The following VSIR variants were observed in gnomAD, a reference collection of about 807,000 sequenced individuals.
VSIR encodes the protein V-set immunoregulatory receptor.
In VSIR, 10 loss-of-function variants were observed where a neutral mutation model predicts 31.0. The observed-to-expected ratio is 0.32, with a 90% confidence interval of 0.20 to 0.55. The LOEUF (loss-of-function observed/expected upper bound fraction) is 0.55. VSIR is among the 20% of genes least tolerant of loss of function. The pLI, the probability that VSIR is intolerant of heterozygous loss-of-function variation, is 0.93. For missense variants in VSIR, 356 were observed against 416.2 expected (o/e 0.86, Z 1.26); for synonymous variants, 179 against 180.1 (o/e 0.99, Z 0.05).
rs201216266 is a variant in VSIR at position 71,760,056 on chromosome 10, T to C, written c.568+812A>G. Among the ~76,000 whole-genome samples the C allele has an allele frequency of 8.3e-3, 634 of 76,482 alleles. 97 individuals carry two copies. The highest frequency in any genetic ancestry group is 0.027 in the African/African-American group (604 of 22,218). 50.2% of individuals were successfully genotyped at this position (76,482 alleles called of 152,430 possible). On this transcript the variant is annotated intron_variant, in intron 3 of 6. Transcript: ENST00000394957. ...ACACACACATATATACACACACACA[T>C]ATATATACACACACACATATATATA...
intron 1 of VSIR, among the ~76,000 whole-genome samples, chr10:71,762,599 A>G (rs1408028596): frequency 6.6e-6 from 1 of 152,254 alleles, no homozygotes; most frequent in African/African-American, 2.4e-5. Flanking sequence ...ACCCCATGGC[A>G]AAGGCAATCC....
At chr10:71,760,560 C>G (rs929851518) in intron 3 of VSIR, 2 of 286,912 alleles carry the variant, frequency 7.0e-6, no homozygotes. Context: ...GGCAGGGCGG[C>G]ACTTAGCTGC....
chr10:71,765,520 G>T (rs1589408241), intron 1 of VSIR, among the ~76,000 whole-genome samples: 1 of 152,260 alleles, frequency 6.6e-6, no homozygotes, highest in Admixed American at 6.5e-5. Context: ...GGTGGGGCAG[G>T]GCACCAGGCT....
intron 3 of VSIR, among the ~76,000 whole-genome samples, chr10:71,756,867 T>G (rs934843171): frequency 1.3e-5 from 2 of 152,238 alleles, no homozygotes; most frequent in African/African-American, 4.8e-5. Context: ...GTTTTTGTTT[T>G]GCTCTACAAT....
At chr10:71,764,071 T>G (rs1840467831) in intron 1 of VSIR, among the ~76,000 whole-genome samples, 1 of 152,160 alleles carries the variant, frequency 6.6e-6, no homozygotes, top group Non-Finnish European at 1.5e-5. Flanking sequence ...GATACAGGTC[T>G]CCTTTTCAGG....
chr10:71,766,313 C>T (rs555715888), intron 1 of VSIR, among the ~76,000 whole-genome samples: 2 of 152,282 alleles, frequency 1.3e-5, no homozygotes, highest in African/African-American at 2.4e-5. Context: ...ATGTGCCAGG[C>T]GGGAACCGTC....
intron 1 of VSIR, among the ~76,000 whole-genome samples, chr10:71,763,577 T>C (rs1413440040): frequency 3.9e-5 from 6 of 152,206 alleles, no homozygotes; most frequent in Non-Finnish European, 7.3e-5. Context: ...GTGGGGCTTC[T>C]GGAGCTGGCC....
rs1403591259 is a variant in VSIR, at chr10:71,773,501, C to G, written c.-62G>C. The G allele has an allele frequency of 6.7e-7, 1 of 1,500,506 alleles. No individual in the cohort carries two copies. Among genetic ancestry groups the G allele is most frequent in the African/African-American group, 1.4e-5 (1 of 71,994 alleles). The allele number at this position is 1,500,506 out of a possible 1,614,324, so 92.9% of individuals were successfully genotyped here. ...GGGAGCGGGCGGGACGCGGCCGGCG[C>G]GGGGAAGCCTCCCGCGACTGAGTGC... On this transcript the variant is annotated 5_prime_UTR_variant, in exon 1 of 7. Transcript: ENST00000394957.
chr10:71,752,755 G>A (rs1294057506), intron 5 of VSIR, among the ~76,000 whole-genome samples: 1 of 152,172 alleles, frequency 6.6e-6, no homozygotes, highest in Admixed American at 6.5e-5. Context: ...CCGAAGGTGG[G>A]TGCATGACAC....
At chr10:71,759,820 T>TATACACACACAC (rs1554868422) in intron 3 of VSIR, among the ~76,000 whole-genome samples, 1 of 85,276 alleles carries the variant, frequency 1.2e-5, no homozygotes, top group African/African-American at 4.1e-5. Flanking sequence ...TCAGAAAATA[T>TATACACACACAC]ACACACACAC....
At chr10:71,766,823 G>A (rs763231976) in intron 1 of VSIR, among the ~76,000 whole-genome samples, 2 of 152,142 alleles carry the variant, frequency 1.3e-5, no homozygotes, top group Non-Finnish European at 2.9e-5. Flanking sequence ...CAGACAGGAA[G>A]AGCCACCCAC....
In VSIR at chr10:71,760,312, C is replaced by CAT. The variant is rs1374136520; in HGVS notation, c.568+555_568+556insAT. Among the ~76,000 whole-genome samples, 23 of 108,450 alleles carry CAT rather than the reference C, an allele frequency of 2.1e-4. 4 individuals are homozygous for CAT. The highest frequency in any genetic ancestry group is 5.7e-4 in the South Asian group (2 of 3,538). The allele number at this position is 108,450 out of a possible 152,430, so 71.1% of individuals were successfully genotyped here. On this transcript the variant is annotated intron_variant, in intron 3 of 6. Coordinates refer to ENST00000394957, the MANE Select transcript of VSIR (RefSeq NM_022153.2). The stretch of plus-strand genomic sequence containing the variant: ...ATGTGTATATATATGTATATACACA[C>CAT]ACATATATATATATATATATCCCTG...
At position 71,748,496 on chromosome 10, in the gene VSIR, C is replaced by T. The variant is rs77500667; in HGVS notation, c.*2757G>A. 0.029 allele frequency: 4,481 copies of T among 152,410 alleles called. 127 individuals carry two copies. Among genetic ancestry groups the T allele is most frequent in the African/African-American group, 0.064 (2,652 of 41,574 alleles). The allele number at this position is 152,410 out of a possible 1,614,324, so 9.4% of individuals were successfully genotyped here. A position where few individuals can be genotyped will look rare whatever the true frequency, so the allele number is the denominator to read the frequency against. ...GGTGCTTTCAATTCCATTCCTTCAGCCTCTCCCTGGGAGGGAATAAAGGCA... is the reference window on the plus strand; with the variant it reads ...GGTGCTTTCAATTCCATTCCTTCAGTCTCTCCCTGGGAGGGAATAAAGGCA... On this transcript the variant is annotated 3_prime_UTR_variant, in exon 7 of 7. Coordinates refer to ENST00000394957, the MANE Select transcript of VSIR (RefSeq NM_022153.2).
chr10:71,759,869 A>G, intron 3 of VSIR, among the ~76,000 whole-genome samples: 3 of 99,398 alleles, frequency 3.0e-5, no homozygotes, highest in African/African-American at 9.8e-5. Flanking sequence ...ACACACATAT[A>G]TATACACACA....
Position 71,751,826 on chromosome 10 carries a change from G to A in VSIR, c.740C>T (p.Ala247Val), listed in dbSNP as rs1840011248. 2 of 1,570,072 alleles carry A rather than the reference G, an allele frequency of 1.3e-6. No homozygotes were observed. The highest frequency in any genetic ancestry group is 8.6e-7 in the Non-Finnish European group (1 of 1,158,934). The change falls in exon 6 of 7, where the codon GCC becomes GTC. Residue 247 changes from alanine to valine, a missense_variant. This residue lies in a region of VSIR where 190 missense variants were observed against 185.2 expected (regional missense o/e 1.03). Coordinates refer to ENST00000394957, the MANE Select transcript of VSIR (RefSeq NM_022153.2). The surrounding 1 kb of genome is among the most constrained non-coding windows in gnomAD (Gnocchi z 4.9). ...IQGIENPGFE[A>V]SPPAQGIPEA... ...GGGTATCCCCTGGGCAGGTGGTGAG[G>A]CTTCAAAGCCGGGGTTTTCAATCCC... is the stretch of plus-strand genomic sequence containing the variant.
At position 71,755,872 on chromosome 10, in the gene VSIR, G is replaced by C. The variant is rs148428997; in HGVS notation, c.569-406C>G. On this transcript the variant is annotated intron_variant, in intron 3 of 6. Coordinates refer to ENST00000394957, the MANE Select transcript of VSIR (RefSeq NM_022153.2). ...GTCAAAAGAAGCCTAAGTGATGAAA[G>C]TTTTGAAAATAGACAGTGGTGACGG... is the stretch of plus-strand genomic sequence containing the variant. 5.8e-3 allele frequency among the ~76,000 whole-genome samples: 877 copies of C among 152,316 alleles called. 11 individuals carry two copies. The highest frequency in any genetic ancestry group is 0.024 in the Middle Eastern group (7 of 294).
rs1470183288 is a variant in VSIR at position 71,770,934 on chromosome 10, C to T, written c.82+2424G>A. 2.6e-5 allele frequency among the ~76,000 whole-genome samples: 4 copies of T among 152,210 alleles called. No homozygotes were observed. The East Asian group carries it at 7.7e-4, about 29-fold the overall frequency. Reference sequence around the variant, plus strand: ...CTGGCCTCAAGGCTGTTCCTCTCTACTCCAGAGCCTCTGGGCAGTGGGTTG... The same window carrying T: ...CTGGCCTCAAGGCTGTTCCTCTCTATTCCAGAGCCTCTGGGCAGTGGGTTG... On this transcript the variant is annotated intron_variant, in intron 1 of 6. Transcript: ENST00000394957.
chr10:71,761,919 G>A lies in VSIR; in HGVS notation c.190C>T (p.His64Tyr), dbSNP rs780506257. The change falls in exon 2 of 7, where the codon CAC (histidine) becomes TAC (tyrosine). Residue 64 changes from histidine to tyrosine, a missense_variant. Physicochemically the swap from His to Tyr is moderately conservative, Grantham distance 83. This residue lies in a region of VSIR where 166 missense variants were observed against 231.0 expected (regional missense o/e 0.72). Coordinates refer to ENST00000394957, the MANE Select transcript of VSIR (RefSeq NM_022153.2). ...CACGTCTTGTAGAAGGTCACATCGT[G>A]CCCTTTGTCCACAGGGCCCAAGAGC... Reference protein sequence around the residue: ...CRLLGPVDKGHDVTFYKTWYR... With the variant: ...CRLLGPVDKGYDVTFYKTWYR... The A allele has an allele frequency of 2.7e-5, 43 of 1,613,956 alleles. No homozygotes were observed. The highest frequency in any genetic ancestry group is 3.6e-5 in the Non-Finnish European group (42 of 1,180,048).
Position 71,773,411 on chromosome 10 carries a change from C to G in VSIR, c.29G>C (p.Gly10Ala), listed in dbSNP as rs1215056530. The change falls in exon 1 of 7, where the codon GGC (glycine) becomes GCC (alanine). Residue 10 changes from glycine to alanine, a missense_variant. Coordinates refer to ENST00000394957, the MANE Select transcript of VSIR (RefSeq NM_022153.2). MGVPTALEAGSWRWGSLLFA... is the reference protein window; with the variant it reads MGVPTALEAASWRWGSLLFA... ...GAGCAGGGATCCCCAGCGCCAGCTGCCGGCCTCCAGGGCCGTGGGGACGCC... is the reference window on the plus strand; with the variant it reads ...GAGCAGGGATCCCCAGCGCCAGCTGGCGGCCTCCAGGGCCGTGGGGACGCC... 3 of 1,608,014 alleles carry G rather than the reference C, an allele frequency of 1.9e-6. No individual in the cohort carries two copies. In the Admixed American group the frequency reaches 5.0e-5, roughly 27 times the overall value.
Sources: gnomAD v4.1 joint callset for allele counts (sites outside exome capture counted in the v4.1 genomes callset) on GRCh38, gnomAD v4.1.1 for gene constraint, gnomAD v4.1.1 regional missense constraint, Gnocchi (gnomAD v3.1) non-coding constraint, MANE v1.5 for transcripts, NCBI Gene and HGNC (gene_info 2026-07-23, HGNC 2026-07-21) for gene names.